DHRS4L2: variants seen among roughly 807,000 people sequenced by gnomAD.
DHRS4L2 encodes dehydrogenase/reductase SDR family member 4-like 2.
In DHRS4L2, 22 loss-of-function variants were observed where a neutral mutation model predicts 23.9. That is an observed-to-expected ratio of 0.92 (90% CI 0.66 to 1.31). The LOEUF is 1.31. DHRS4L2 is among the 40% of genes most tolerant of loss of function. DHRS4L2 has a pLI of 0.00. For synonymous variants in DHRS4L2, 141 were observed against 123.7 expected (o/e 1.14, Z -0.93); for missense variants, 385 against 303.3 (o/e 1.27, Z -2.00).
chr14:24,004,082 A>G (rs1275028291), intron 6 of DHRS4L2, among the ~76,000 whole-genome samples: 2 of 141,188 alleles, frequency 1.4e-5, no homozygotes, highest in Admixed American at 6.8e-5. Context: ...CATCTTGGCT[A>G]ACACGGTGAA....
upstream of DHRS4L2, among the ~76,000 whole-genome samples, chr14:23,987,925 A>G (rs1422486525): frequency 6.6e-6 from 1 of 151,524 alleles, no homozygotes; most frequent in Non-Finnish European, 1.5e-5. Context: ...TCTCCCGGAA[A>G]CCCAGGAGGG....
chr14:23,998,313 C>T (rs1245131351), intron 3 of DHRS4L2, among the ~76,000 whole-genome samples: 1 of 151,798 alleles, frequency 6.6e-6, no homozygotes, highest in East Asian at 1.9e-4. Context: ...TGAGCATTGG[C>T]TTCAACTTAA....
At chr14:23,992,636 A>G (rs566532894) in intron 2 of DHRS4L2, among the ~76,000 whole-genome samples, 1 of 151,316 alleles carries the variant, frequency 6.6e-6, no homozygotes, top group Admixed American at 6.6e-5. Flanking sequence ...AACAGCTCCT[A>G]ACCGCTTTAG....
At position 23,989,046 on chromosome 14, in the gene DHRS4L2, G is replaced by A. The variant is rs199545119; in HGVS notation, c.99G>A (p.Lys33=). 28 of 1,593,030 alleles carry A rather than the reference G, an allele frequency of 1.8e-5. No individual in the cohort carries two copies. The East Asian group carries it at 5.7e-4, about 32-fold the overall frequency. Residue 33 remains lysine, a synonymous_variant, in exon 1 of 8, where the codon AAG becomes AAA. Coordinates refer to ENST00000335125, the MANE Select transcript of DHRS4L2 (RefSeq NM_198083.4). Reference sequence around the variant, plus strand: ...CCCGCCGGGACCCGCTCACAAATAAGGTGGCCCTGGTAACGGCCTCCACCG... The same window carrying A: ...CCCGCCGGGACCCGCTCACAAATAAAGTGGCCCTGGTAACGGCCTCCACCG... ...RMTRRDPLTN[K]VALVTASTDG... is the part of the protein sequence containing the mutation.
intron 2 of DHRS4L2, chr14:23,991,003 T>A (rs2034258308): frequency 1.7e-6 from 1 of 591,892 alleles, no homozygotes; most frequent in Non-Finnish European, 2.1e-6. Flanking sequence ...TCATAATTAG[T>A]AGTGGACAAC....
chr14:23,995,374 C>T (rs1164423650), intron 3 of DHRS4L2, among the ~76,000 whole-genome samples: 2 of 151,670 alleles, frequency 1.3e-5, no homozygotes, highest in Non-Finnish European at 1.5e-5. Context: ...AGCCACTGCT[C>T]CCCTCCCCAG....
At chr14:23,988,831 C>A (rs2034201585), upstream of DHRS4L2, 3 of 1,434,426 alleles carry the variant, frequency 2.1e-6, no homozygotes, top group Admixed American at 2.5e-5. Flanking sequence ...CGACTCCCAG[C>A]TGGCCGAGGG....
intron 7 of DHRS4L2, chr14:24,004,620 T>C (rs1305193608): frequency 1.1e-5 from 8 of 751,568 alleles, no homozygotes; most frequent in Non-Finnish European, 1.8e-5. Context: ...AGTGCAGAGG[T>C]CTCGGAGAAG....
At position 24,005,892 on chromosome 14, in the gene DHRS4L2, C is replaced by T. The variant is rs1185923288; in HGVS notation, c.*29C>T. 3.7e-6 allele frequency: 6 copies of T among 1,607,638 alleles called. No homozygotes were observed. Among genetic ancestry groups the T allele is most frequent in the Non-Finnish European group, 5.1e-6 (6 of 1,177,352 alleles). ...TGCTTCCCTTATTCCCCAGGTTAGG[C>T]GAGCCAGAGGATTGTGCTGGCATCG... On this transcript the variant is annotated 3_prime_UTR_variant, in exon 8 of 8. Coordinates refer to ENST00000335125, the MANE Select transcript of DHRS4L2 (RefSeq NM_198083.4).
intron 1 of DHRS4L2, among the ~76,000 whole-genome samples, chr14:23,989,423 C>A (rs754305526): frequency 1.3e-5 from 2 of 151,636 alleles, no homozygotes; most frequent in African/African-American, 2.4e-5. Flanking sequence ...AATCTTATAA[C>A]AAGGCCTCCA....
Position 23,995,133 on chromosome 14 carries a change from G to A in DHRS4L2, c.408G>A (p.Lys136=), listed in dbSNP as rs2034353900. 6.2e-7 allele frequency: 1 copy of A among 1,612,522 alleles called. No individual in the cohort carries two copies. Among genetic ancestry groups the A allele is most frequent in the African/African-American group, 1.3e-5 (1 of 74,888 alleles). Residue 136 remains lysine, a splice_region_variant and synonymous_variant, in exon 3 of 8, where the codon AAG becomes AAA. Coordinates refer to ENST00000335125, the MANE Select transcript of DHRS4L2 (RefSeq NM_198083.4). ...LMDVTEEVWD[K]TLDINVKAPA... ...ATGTCACCGAGGAGGTGTGGGACAA[G>A]GTGAGAGGGGATTAAAGAAGCGCGG...
intron 7 of DHRS4L2, 71 bp downstream of exon 7, chr14:24,004,463 G>A: frequency 6.5e-7 from 1 of 1,542,900 alleles, no homozygotes; most frequent in Non-Finnish European, 8.8e-7. Flanking sequence ...GCAGCCCACA[G>A]CCCGCTGTCT....
chr14:23,983,442 A>T (rs1240737493), intron 1 of DHRS4L2, among the ~76,000 whole-genome samples: 1 of 151,710 alleles, frequency 6.6e-6, no homozygotes, highest in Non-Finnish European at 1.5e-5. Context: ...GGTAGTGTAA[A>T]TTAGTTCAAC....
chr14:23,999,329 C>T lies in DHRS4L2; in HGVS notation c.409-1534C>T, dbSNP rs113129683. Among the ~76,000 whole-genome samples, 6 of 110,318 alleles carry T rather than the reference C, an allele frequency of 5.4e-5. No homozygotes were observed. The Admixed American group carries it at 6.4e-4, about 12-fold the overall frequency. The allele number at this position is 110,318 out of a possible 152,430, so 72.4% of individuals were successfully genotyped here. A position where few individuals can be genotyped will look rare whatever the true frequency, so the allele number is the denominator to read the frequency against. Reference sequence around the variant, plus strand: ...GGCTCGAATTAATGCAGGGTTGCCACGAAACTCCAATTTGTAAAAAAAAAA... The same window carrying T: ...GGCTCGAATTAATGCAGGGTTGCCATGAAACTCCAATTTGTAAAAAAAAAA... On this transcript the variant is annotated intron_variant, in intron 3 of 7. Transcript: ENST00000335125.
chr14:23,996,767 A>C (rs1448522868), intron 3 of DHRS4L2, among the ~76,000 whole-genome samples: 1 of 150,892 alleles, frequency 6.6e-6, no homozygotes, highest in African/African-American at 2.4e-5. Context: ...CAGCCTCCCA[A>C]GTACCTGGGA....
Position 24,001,072 on chromosome 14 carries a change from C to A in DHRS4L2, c.519C>A (p.Phe173Leu), listed in dbSNP as rs2034478513. 2 of 1,610,988 alleles carry A rather than the reference C, an allele frequency of 1.2e-6. No homozygotes were observed. The highest frequency in any genetic ancestry group is 2.7e-5 in the African/African-American group (2 of 73,170). ...TGATCGTGTCTTCCATAGCAGCCTTCAGTCCATCTCCTGTAAGAACCCTTT... is the reference window on the plus strand; with the variant it reads ...TGATCGTGTCTTCCATAGCAGCCTTAAGTCCATCTCCTGTAAGAACCCTTT... Reference protein sequence around the residue: ...SVVIVSSIAAFSPSPGFSPYN... With the variant: ...SVVIVSSIAALSPSPGFSPYN... The change falls in exon 5 of 8, where the codon TTC becomes TTA. Residue 173 changes from phenylalanine (F) to leucine (L), a missense_variant. Physicochemically the swap from Phe to Leu is conservative, Grantham distance 22. Coordinates refer to ENST00000335125, the MANE Select transcript of DHRS4L2 (RefSeq NM_198083.4).
At chr14:23,977,147 A>T (rs1157615930) in intron 1 of DHRS4L2, among the ~76,000 whole-genome samples, 1 of 151,936 alleles carries the variant, frequency 6.6e-6, no homozygotes, top group Non-Finnish European at 1.5e-5. Context: ...TCACAAAATT[A>T]ATAATCCATT....
At chr14:23,977,941 A>C (rs546110242) in intron 1 of DHRS4L2, among the ~76,000 whole-genome samples, 1 of 151,710 alleles carries the variant, frequency 6.6e-6, no homozygotes, top group East Asian at 1.9e-4. Context: ...TAATGTTATA[A>C]TTTTGCTAAA....
chr14:23,988,943 G>A lies in DHRS4L2; in HGVS notation c.-5G>A. The A allele has an allele frequency of 6.2e-7, 1 of 1,611,856 alleles. No homozygotes were observed. Among genetic ancestry groups the A allele is most frequent in the South Asian group, 1.1e-5 (1 of 90,840 alleles). Reference sequence around the variant, plus strand: ...GAGTGGAACCCAGACTTGCTGGTCTGATCCATGCAGATGGCCAGGCTGCTA... The same window carrying A: ...GAGTGGAACCCAGACTTGCTGGTCTAATCCATGCAGATGGCCAGGCTGCTA... On this transcript the variant is annotated 5_prime_UTR_variant, in exon 1 of 8. Coordinates refer to ENST00000335125, the MANE Select transcript of DHRS4L2 (RefSeq NM_198083.4).
Sources: gnomAD v4.1 joint callset for allele counts (sites outside exome capture counted in the v4.1 genomes callset) on GRCh38, gnomAD v4.1.1 for gene constraint, MANE v1.5 for transcripts, NCBI Gene and HGNC (gene_info 2026-07-23, HGNC 2026-07-21) for gene names.